Variants in ZNF774 observed in about 807,000 individuals in gnomAD.
ZNF774 encodes zinc finger protein 774.
In ZNF774, 14 loss-of-function variants were observed where a neutral mutation model predicts 11.1. The observed-to-expected ratio is 1.26, with a 90% CI of 0.83 to 1.97. The LOEUF (loss-of-function observed/expected upper bound fraction) is 1.97. Among genes scored for constraint, ZNF774 ranks in the 30% most tolerant of loss-of-function variants. ZNF774 has a pLI of 0.00. For synonymous variants in ZNF774, 195 were observed against 212.6 expected (o/e 0.92, Z 0.72); for missense variants, 599 against 587.0 (o/e 1.02, Z -0.21).
At position 90,360,566 on chromosome 15, in the gene ZNF774, G is replaced by A. The variant is rs1280486411; in HGVS notation, c.735G>A (p.Gly245=). 2 of 1,611,724 alleles carry A rather than the reference G, an allele frequency of 1.2e-6. No individual in the cohort carries two copies. The highest frequency in any genetic ancestry group is 1.7e-6 in the Non-Finnish European group (2 of 1,179,402). The change falls in exon 4 of 4, where the codon GGG becomes GGA. Residue 245 remains glycine, a synonymous_variant. Transcript: ENST00000354377. ...YECPECGKTF[G]RKPHLIMHQR... is the part of the protein sequence containing the mutation. Reference sequence around the variant, plus strand: ...GCCCAGAGTGTGGAAAGACTTTTGGGCGGAAGCCACACCTCATAATGCACC... The same window carrying A: ...GCCCAGAGTGTGGAAAGACTTTTGGACGGAAGCCACACCTCATAATGCACC...
At chr15:90,355,004 A>G (rs1327286866) in intron 2 of ZNF774, among the ~76,000 whole-genome samples, 2 of 152,086 alleles carry the variant, frequency 1.3e-5, no homozygotes, top group African/African-American at 4.8e-5. Flanking sequence ...CTATGTTGGC[A>G]AGGCTGGTCT....
At chr15:90,357,540 A>G (rs1405947650) in intron 2 of ZNF774, among the ~76,000 whole-genome samples, 1 of 152,164 alleles carries the variant, frequency 6.6e-6, no homozygotes, top group Non-Finnish European at 1.5e-5. Flanking sequence ...ACAAAAAAAG[A>G]GTCTGGGAAA....
chr15:90,354,848 G>A (rs1964222457), intron 2 of ZNF774, 84 bp downstream of exon 2: 2 of 1,129,450 alleles, frequency 1.8e-6, no homozygotes, highest in Middle Eastern at 2.5e-4. Flanking sequence ...AGGCTGGAGT[G>A]CAGTGGCGCG....
rs139196374 is a variant in ZNF774 at position 90,360,379 on chromosome 15, A to C, written c.548A>C (p.Glu183Ala). The change falls in exon 4 of 4, where the codon GAG becomes GCG. Residue 183 changes from glutamate (E) to alanine (A), a missense_variant. Transcript: ENST00000354377. ...GGCGAGAGGCCCTATACGTGCATTG[A>C]GTGTGGGAAAGGCTTCAAACAGAGC... Reference protein sequence around the residue: ...HTGERPYTCIECGKGFKQSSD... With the variant: ...HTGERPYTCIACGKGFKQSSD... 67 of 1,614,154 alleles carry C rather than the reference A, an allele frequency of 4.2e-5. 1 individual carries two copies. In the African/African-American group the frequency reaches 8.4e-4, roughly 20 times the overall value.
At chr15:90,357,514 A>C (rs1596230263) in intron 2 of ZNF774, among the ~76,000 whole-genome samples, 1 of 152,236 alleles carries the variant, frequency 6.6e-6, no homozygotes, top group Non-Finnish European at 1.5e-5. Context: ...AAAACAAACA[A>C]ACACACACAC....
intron 2 of ZNF774, among the ~76,000 whole-genome samples, chr15:90,355,639 C>G (rs1964233781): frequency 7.0e-6 from 1 of 143,124 alleles, no homozygotes; most frequent in Admixed American, 7.2e-5. Context: ...AGGAGAATTG[C>G]TTGAACCTGG....
chr15:90,354,743 T>C lies in ZNF774; in HGVS notation c.83T>C (p.Leu28Ser), dbSNP rs1203303808. ...NPLQECHPAQ[L>S]EEWALKGISR... ...CTCCAGGAATGCCACCCAGCACAGT[T>C]AGAAGAATGGGCTCTCAAAGGGTAA... The change falls in exon 2 of 4, where the codon TTA (leucine) becomes TCA (serine). Residue 28 changes from leucine (L) to serine (S), a missense_variant. Transcript: ENST00000354377. The C allele has an allele frequency of 1.9e-6, 3 of 1,612,274 alleles. No homozygotes were observed. Among genetic ancestry groups the C allele is most frequent in the Non-Finnish European group, 8.5e-7 (1 of 1,179,260 alleles).
Position 90,362,610 on chromosome 15 carries a change from G to A in ZNF774, c.*1327G>A. 6.5e-7 allele frequency: 1 copy of A among 1,531,840 alleles called. No homozygotes were observed. The highest frequency in any genetic ancestry group is 1.2e-5 in the South Asian group (1 of 83,966). 94.9% of individuals were successfully genotyped at this position (1,531,840 alleles called of 1,614,324 possible). On this transcript the variant is annotated 3_prime_UTR_variant, in exon 4 of 4. Transcript: ENST00000354377. Reference sequence around the variant, plus strand: ...TGAAATAAATTGAGGGACGGCAAGTGTGTTGGAAAGAACACCGACTTCATT... The same window carrying A: ...TGAAATAAATTGAGGGACGGCAAGTATGTTGGAAAGAACACCGACTTCATT...
chr15:90,361,098 C>G lies in ZNF774; in HGVS notation c.1267C>G (p.Arg423Gly). 6.2e-7 allele frequency: 1 copy of G among 1,614,150 alleles called. No homozygotes were observed. Among genetic ancestry groups the G allele is most frequent in the Non-Finnish European group, 8.5e-7 (1 of 1,180,032 alleles). Residue 423 changes from arginine to glycine, a missense_variant, in exon 4 of 4, where the codon CGA (arginine) becomes GGA (glycine). By Grantham distance (125) the Arg-to-Gly change is moderately radical (BLOSUM62 -2). Coordinates refer to ENST00000354377, the MANE Select transcript of ZNF774 (RefSeq NM_001004309.3). ...NQSSHFITHQ[R>G]IHLGDRPYRC... is the part of the protein sequence containing the mutation. ...GAGCTCCCACTTTATTACCCATCAG[C>G]GAATCCACTTAGGAGACAGGCCCTA... is the stretch of plus-strand genomic sequence containing the variant.
Position 90,362,332 on chromosome 15 carries a change from G to C in ZNF774, c.*1049G>C. ...GCAGTGTATCTACCAGAGGTTTGCT[G>C]TCATCTGACACAGAGAAAATATCCT... On this transcript the variant is annotated 3_prime_UTR_variant, in exon 4 of 4. Transcript: ENST00000354377. 1.8e-6 allele frequency: 1 copy of C among 541,556 alleles called. No individual in the cohort carries two copies. The allele number at this position is 541,556 out of a possible 1,614,324, so 33.5% of individuals were successfully genotyped here.
At chr15:90,355,722 C>CAAAAAAA (rs35498554) in intron 2 of ZNF774, among the ~76,000 whole-genome samples, 3 of 40,034 alleles carry the variant, frequency 7.5e-5, no homozygotes, top group African/African-American at 3.5e-4. Flanking sequence ...GACTCTGTCT[C>CAAAAAAA]AAAAAAAAAA....
At position 90,361,052 on chromosome 15, in the gene ZNF774, G is replaced by T; in HGVS notation, c.1221G>T (p.Glu407Asp). The change falls in exon 4 of 4, where the codon GAG (glutamate) becomes GAT (aspartate). Residue 407 changes from glutamate (E) to aspartate (D), a missense_variant. Coordinates refer to ENST00000354377, the MANE Select transcript of ZNF774 (RefSeq NM_001004309.3). ...GAGAAAGACCCTACAAATGTGGAGA[G>T]TGTGGGAAGAGCTTCAATCAGAGCT... ...HTGERPYKCG[E>D]CGKSFNQSSH... is the part of the protein sequence containing the mutation. The T allele has an allele frequency of 6.2e-7, 1 of 1,614,186 alleles. No individual in the cohort carries two copies. The highest frequency in any genetic ancestry group is 2.2e-5 in the East Asian group (1 of 44,890).
At chr15:90,354,818 G>C in intron 2 of ZNF774, 54 bp downstream of exon 2, 1 of 1,412,126 alleles carries the variant, frequency 7.1e-7, no homozygotes, top group Non-Finnish European at 9.8e-7. Context: ...TTTTTGAGAC[G>C]GGGTCTCGCT....
rs1964308643 is a variant in ZNF774, at chr15:90,360,287, GTGTGC to G, written c.457_461del (p.Cys153ArgfsTer7). ...ATGGATATGTAGGAGAGAAGCCTAT[GTGTGC>G]AGAATGCGGGAAAAGCTTTAACCAG... On this transcript the variant is annotated frameshift_variant, in exon 4 of 4. Coordinates refer to ENST00000354377, the MANE Select transcript of ZNF774 (RefSeq NM_001004309.3). LOFTEE classifies it low-confidence loss of function (END_TRUNC). The G allele has an allele frequency of 6.2e-7, 1 of 1,614,116 alleles. No homozygotes were observed. The highest frequency in any genetic ancestry group is 1.1e-5 in the South Asian group (1 of 91,092).
Position 90,361,603 on chromosome 15 carries a change from A to G in ZNF774, c.*320A>G. 4 of 905,212 alleles carry G rather than the reference A, an allele frequency of 4.4e-6. No homozygotes were observed. The highest frequency in any genetic ancestry group is 4.1e-5 in the South Asian group (1 of 24,468). 56.1% of individuals were successfully genotyped at this position (905,212 alleles called of 1,614,324 possible). A position where few individuals can be genotyped will look rare whatever the true frequency, so the allele number is the denominator to read the frequency against. On this transcript the variant is annotated 3_prime_UTR_variant, in exon 4 of 4. Coordinates refer to ENST00000354377, the MANE Select transcript of ZNF774 (RefSeq NM_001004309.3). ...CAAGGTGGGTGGATCACTTGAGGTC[A>G]GGAGTTGAGACCAGCCTGGTGAGCA...
rs756895871 is a variant in ZNF774, at chr15:90,361,179, C to T, written c.1348C>T (p.Gln450Ter). Residue 450 changes from glutamine (Q) to a stop codon, truncating the protein, a stop_gained, in exon 4 of 4, where the codon CAG (glutamine) becomes TAG (stop). Transcript: ENST00000354377. LOFTEE classifies it low-confidence loss of function (END_TRUNC). ...FNQRSHFLTH[Q>*]RTHTGEKPFH... is the part of the protein sequence containing the mutation. ...TCAGCGTTCCCATTTCCTCACACAC[C>T]AGAGAACGCATACAGGAGAAAAACC... is the stretch of plus-strand genomic sequence containing the variant. The T allele has an allele frequency of 6.2e-7, 1 of 1,614,156 alleles. No individual in the cohort carries two copies. Among genetic ancestry groups the T allele is most frequent in the African/African-American group, 1.3e-5 (1 of 75,030 alleles).
At chr15:90,357,318 G>T (rs1372449525) in intron 2 of ZNF774, among the ~76,000 whole-genome samples, 1 of 152,056 alleles carries the variant, frequency 6.6e-6, no homozygotes, top group Non-Finnish European at 1.5e-5. Context: ...ACCAGCCTGG[G>T]CAACATAATG....
chr15:90,362,770 C>T lies in ZNF774; in HGVS notation c.*1487C>T, dbSNP rs1353365022. The T allele has an allele frequency of 7.1e-6, 4 of 564,506 alleles. No individual in the cohort carries two copies. The highest frequency in any genetic ancestry group is 9.5e-6 in the Non-Finnish European group (3 of 314,794). 35.0% of individuals were successfully genotyped at this position (564,506 alleles called of 1,614,324 possible). On this transcript the variant is annotated 3_prime_UTR_variant, in exon 4 of 4. Transcript: ENST00000354377. Reference sequence around the variant, plus strand: ...AAATACACACACACACACACACACACACACACACACACACACTTTGTTGGT... The same window carrying T: ...AAATACACACACACACACACACACATACACACACACACACACTTTGTTGGT...
intron 2 of ZNF774, among the ~76,000 whole-genome samples, 192 bp from the exon 3 acceptor site, chr15:90,358,659 T>C (rs553456815): frequency 1.3e-5 from 2 of 152,300 alleles, no homozygotes; most frequent in Admixed American, 1.3e-4. Flanking sequence ...AAAGGGCTTT[T>C]TTTTCTTAAC....
Sources: gnomAD v4.1 joint callset for allele counts (sites outside exome capture counted in the v4.1 genomes callset) on GRCh38, gnomAD v4.1.1 for gene constraint, MANE v1.5 for transcripts, NCBI Gene and HGNC (gene_info 2026-07-23, HGNC 2026-07-21) for gene names.